Variants in KCNT2 observed in about 807,000 individuals in gnomAD.
The protein encoded by KCNT2 is potassium channel subfamily T member 2.
A neutral mutation model predicts 153.8 loss-of-function variants in KCNT2; 67 were observed. The observed-to-expected ratio is 0.44, with a 90% CI of 0.36 to 0.53. The LOEUF is 0.53. KCNT2 is among the 20% of genes least tolerant of loss of function. The pLI is 0.00. For missense variants in KCNT2, 975 were observed against 1,354.8 expected (o/e 0.72, Z 4.40); for synonymous variants, 500 against 458.8 (o/e 1.09, Z -1.15).
At chr1:196,495,996 T>C (rs1680220541) in intron 1 of KCNT2, among the ~76,000 whole-genome samples, 1 of 152,194 alleles carries the variant, frequency 6.6e-6, no homozygotes, top group Admixed American at 6.5e-5. Flanking sequence ...TTTATTCCAA[T>C]CTTTAACTTT....
intron 27 of KCNT2, among the ~76,000 whole-genome samples, chr1:196,229,352 A>T (rs1653750019): frequency 1.3e-5 from 2 of 152,140 alleles, no homozygotes; most frequent in South Asian, 4.1e-4. Flanking sequence ...TTGGGATACC[A>T]CTATCCGCAC....
At chr1:196,522,345 G>C (rs184210501) in intron 1 of KCNT2, among the ~76,000 whole-genome samples, 4 of 152,264 alleles carry the variant, frequency 2.6e-5, no homozygotes, top group Admixed American at 2.6e-4. Flanking sequence ...TATGTGAAAA[G>C]TATTACTACT....
At chr1:196,243,181 A>G (rs1655109755) in intron 26 of KCNT2, among the ~76,000 whole-genome samples, 1 of 152,170 alleles carries the variant, frequency 6.6e-6, no homozygotes. Flanking sequence ...TGCTGAATCC[A>G]TGTTATTGCA....
At chr1:196,518,950 C>T (rs751728225) in intron 1 of KCNT2, among the ~76,000 whole-genome samples, 1 of 152,044 alleles carries the variant, frequency 6.6e-6, no homozygotes, top group Non-Finnish European at 1.5e-5. Flanking sequence ...GTATGATAGA[C>T]CTCTACAGAA....
chr1:196,380,487 A>T (rs971197110), intron 13 of KCNT2, among the ~76,000 whole-genome samples: 1 of 152,204 alleles, frequency 6.6e-6, no homozygotes, highest in Non-Finnish European at 1.5e-5. Context: ...TGTGATTTAA[A>T]GTACTAGAAA....
Position 196,572,423 on chromosome 1 carries a change from C to A in KCNT2, c.95+35792G>T, listed in dbSNP as rs558003429. ...GAAGGCAGACTTTGATAACAACACA[C>A]AAAAAGGAAACTTAGATGTCTTAAT... On this transcript the variant is annotated intron_variant, in intron 1 of 27. Coordinates refer to ENST00000294725, the MANE Select transcript of KCNT2 (RefSeq NM_198503.5). Among the ~76,000 whole-genome samples, 10 of 152,046 alleles carry A rather than the reference C, an allele frequency of 6.6e-5. No individual in the cohort carries two copies. The South Asian group carries it at 2.1e-3, about 32-fold the overall frequency.
chr1:196,414,711 A>G (rs1234078144), intron 12 of KCNT2, among the ~76,000 whole-genome samples: 1 of 151,934 alleles, frequency 6.6e-6, no homozygotes, highest in Admixed American at 6.6e-5. Flanking sequence ...TTTGATTGTT[A>G]TACCTTGTAA....
At position 196,591,083 on chromosome 1, in the gene KCNT2, A is replaced by T. The variant is rs186201286; in HGVS notation, c.95+17132T>A. Among the ~76,000 whole-genome samples the T allele has an allele frequency of 4.4e-3, 662 of 152,166 alleles. 2 individuals are homozygous for T. Among genetic ancestry groups the T allele is most frequent in the Non-Finnish European group, 7.7e-3 (526 of 67,988 alleles). Reference sequence around the variant, plus strand: ...AAAGAGAGATAGAGAATGATCCCCAATGTTGGAGGTGGGGCTAATGGGAGG... The same window carrying T: ...AAAGAGAGATAGAGAATGATCCCCATTGTTGGAGGTGGGGCTAATGGGAGG... On this transcript the variant is annotated intron_variant, in intron 1 of 27. Coordinates refer to ENST00000294725, the MANE Select transcript of KCNT2 (RefSeq NM_198503.5).
intron 25 of KCNT2, among the ~76,000 whole-genome samples, chr1:196,259,177 A>C (rs1200824873): frequency 6.6e-6 from 1 of 152,146 alleles, no homozygotes; most frequent in Non-Finnish European, 1.5e-5. Flanking sequence ...ATGTTTCACA[A>C]ATATACTGTA....
chr1:196,503,313 CAT>C (rs1242500417), intron 1 of KCNT2, among the ~76,000 whole-genome samples: 1 of 152,080 alleles, frequency 6.6e-6, no homozygotes, highest in Non-Finnish European at 1.5e-5. Flanking sequence ...TGTAAACAAA[CAT>C]ACACATGTGT....
chr1:196,526,556 C>T (rs1368659976), intron 1 of KCNT2, among the ~76,000 whole-genome samples: 1 of 151,646 alleles, frequency 6.6e-6, no homozygotes, highest in Non-Finnish European at 1.5e-5. Flanking sequence ...CAGGTTCAAG[C>T]GATTCTCCTC....
intron 16 of KCNT2, 39 bp downstream of exon 16, chr1:196,340,302 G>A: frequency 1.7e-6 from 2 of 1,150,250 alleles, no homozygotes; most frequent in Non-Finnish European, 2.5e-6. Flanking sequence ...TTTTATTTTA[G>A]AAATAAATTA....
chr1:196,295,993 T>C (rs1660645457), intron 22 of KCNT2, among the ~76,000 whole-genome samples: 1 of 151,970 alleles, frequency 6.6e-6, no homozygotes, highest in African/African-American at 2.4e-5. Context: ...TACTTTGTTG[T>C]TTTGATACAC....
At chr1:196,494,163 T>C (rs1680068437) in intron 1 of KCNT2, among the ~76,000 whole-genome samples, 1 of 152,224 alleles carries the variant, frequency 6.6e-6, no homozygotes, top group African/African-American at 2.4e-5. Flanking sequence ...TTCCCTTGTT[T>C]ATCAAATGAA....
chr1:196,463,557 G>A (rs1409824319), intron 8 of KCNT2, among the ~76,000 whole-genome samples: 1 of 151,512 alleles, frequency 6.6e-6, no homozygotes, highest in Non-Finnish European at 1.5e-5. Flanking sequence ...TGTAATATTA[G>A]ATAACATCTC....
chr1:196,536,690 G>A (rs940146764), intron 1 of KCNT2, among the ~76,000 whole-genome samples: 5 of 152,154 alleles, frequency 3.3e-5, no homozygotes, highest in African/African-American at 1.2e-4. Flanking sequence ...AGTCTGGGGG[G>A]TTGTTACCCA....
chr1:196,457,381 C>G (rs758765864), intron 8 of KCNT2, among the ~76,000 whole-genome samples: 1 of 151,508 alleles, frequency 6.6e-6, no homozygotes, highest in African/African-American at 2.4e-5. Context: ...GTAAACTGAA[C>G]TTAGAGCAGT....
chr1:196,324,625 T>C (rs1663663378), intron 19 of KCNT2, among the ~76,000 whole-genome samples: 1 of 152,080 alleles, frequency 6.6e-6, no homozygotes, highest in African/African-American at 2.4e-5. Flanking sequence ...TGACATGTAG[T>C]AGTCATTGTA....
chr1:196,255,709 AC>A (rs1656424363), intron 26 of KCNT2, among the ~76,000 whole-genome samples: 1 of 151,930 alleles, frequency 6.6e-6, no homozygotes, highest in Non-Finnish European at 1.5e-5. Flanking sequence ...ATATCCAAAC[AC>A]ATTTTAGTGC....
Sources: allele counts gnomAD v4.1 joint callset (sites outside exome capture counted in the v4.1 genomes callset), GRCh38; gene constraint gnomAD v4.1.1; transcripts MANE v1.5; gene names NCBI Gene and HGNC (gene_info 2026-07-23, HGNC 2026-07-21).